Variants in RTL4 observed in about 807,000 individuals in gnomAD.
RTL4 encodes the protein retrotransposon Gag-like protein 4.
Under a neutral mutation model 5.3 loss-of-function variants are expected in RTL4, and 4 were observed. The observed-to-expected ratio is 0.75, with a 90% CI of 0.37 to 1.72. The LOEUF (loss-of-function observed/expected upper bound fraction) is 1.72, where lower values mean the gene tolerates loss of function less well. RTL4 is among the 40% of genes most tolerant of loss of function. The pLI is 0.04. For synonymous variants in RTL4, 98 were observed against 87.3 expected, an observed-to-expected ratio of 1.12 and a Z score of -0.68; for missense variants, 260 against 227.1, an observed-to-expected ratio of 1.14 and a Z score of -0.93.
the RTL4 span, among the ~76,000 whole-genome samples, chrX:112,236,851 G>A: frequency 2.7e-5 from 3 of 111,288 alleles, no homozygotes; most frequent in African/African-American, 9.8e-5. Flanking sequence ...ATTAAGTTAA[G>A]CATTTTGAGA....
the RTL4 span, among the ~76,000 whole-genome samples, chrX:112,392,707 C>T: frequency 1.8e-5 from 2 of 111,997 alleles, no homozygotes; most frequent in Admixed American, 1.9e-4. Context: ...TGGCTCACCC[C>T]TCCCATCTCA....
At chrX:112,162,639 A>T in the RTL4 span, among the ~76,000 whole-genome samples, 2 of 112,157 alleles carry the variant, frequency 1.8e-5, no homozygotes, top group Non-Finnish European at 3.8e-5. Context: ...GACTAAGGGC[A>T]AAATGTGATT....
the RTL4 span, among the ~76,000 whole-genome samples, chrX:112,172,492 A>G: frequency 8.9e-6 from 1 of 111,900 alleles, no homozygotes; most frequent in African/African-American, 3.2e-5. Context: ...TATTAAAGTC[A>G]AGAAACAACA....
the RTL4 span, among the ~76,000 whole-genome samples, chrX:112,258,936 G>A: frequency 7.2e-5 from 8 of 110,884 alleles, no homozygotes; most frequent in African/African-American, 2.6e-4. Context: ...TTGTTTCCTG[G>A]CACATTTTAA....
the RTL4 span, among the ~76,000 whole-genome samples, chrX:112,416,534 C>T: frequency 1.2e-4 from 14 of 112,206 alleles, no homozygotes; most frequent in African/African-American, 4.5e-4. Flanking sequence ...TAGTGCAAGA[C>T]TAATGTTTTT....
the RTL4 span, among the ~76,000 whole-genome samples, chrX:112,275,779 A>G: frequency 9.0e-6 from 1 of 111,122 alleles, no homozygotes; most frequent in Non-Finnish European, 1.9e-5. Context: ...ATAAAAAAAA[A>G]TGAAGATTAG....
chrX:112,363,582 G>T, the RTL4 span, among the ~76,000 whole-genome samples: 3 of 110,733 alleles, frequency 2.7e-5, no homozygotes, highest in African/African-American at 9.8e-5. Context: ...GTAACCATTT[G>T]GAAAATATAA....
chrX:112,094,989 T>A, the RTL4 span, among the ~76,000 whole-genome samples: 1 of 111,327 alleles, frequency 9.0e-6, no homozygotes, highest in Non-Finnish European at 1.9e-5. Context: ...TGGGTTTTCT[T>A]GTTTTTAAGA....
chrX:112,366,412 C>T, the RTL4 span, among the ~76,000 whole-genome samples: 1 of 111,404 alleles, frequency 9.0e-6, no homozygotes, highest in East Asian at 2.9e-4. Flanking sequence ...CAGGTGGTTC[C>T]TCACAAGCTC....
chrX:112,200,431 T>G, the RTL4 span, among the ~76,000 whole-genome samples: 12 of 112,328 alleles, frequency 1.1e-4, no homozygotes, highest in African/African-American at 3.9e-4. Flanking sequence ...AGGCTAGAAC[T>G]GTGTCTGTCA....
the RTL4 span, among the ~76,000 whole-genome samples, chrX:112,222,509 C>G: frequency 9.0e-6 from 1 of 110,523 alleles, no homozygotes. Flanking sequence ...AGGAGGATCT[C>G]TTGAGCACAG....
chrX:112,456,637 C>T (rs915647303), exon 1 of RTL4: 1 of 255,973 alleles, frequency 3.9e-6, no homozygotes, highest in African/African-American at 2.8e-5. Flanking sequence ...TGAAGACTGA[C>T]AGCCAGACCC....
the RTL4 span, among the ~76,000 whole-genome samples, chrX:112,331,258 A>T: frequency 9.3e-6 from 1 of 107,703 alleles, no homozygotes; most frequent in Non-Finnish European, 1.9e-5. Context: ...AACCTACTCA[A>T]CTGACAAAGG....
chrX:112,333,714 T>C, the RTL4 span, among the ~76,000 whole-genome samples: 16 of 111,629 alleles, frequency 1.4e-4, no homozygotes, highest in African/African-American at 4.6e-4. Context: ...ATGAAATGTT[T>C]CTATACAAGC....
At chrX:112,388,449 T>A in the RTL4 span, among the ~76,000 whole-genome samples, 1 of 112,288 alleles carries the variant, frequency 8.9e-6, no homozygotes, top group East Asian at 2.8e-4. Flanking sequence ...CAATTCTACG[T>A]TGAATTGGAG....
At chrX:112,110,725 G>T in the RTL4 span, among the ~76,000 whole-genome samples, 1 of 112,029 alleles carries the variant, frequency 8.9e-6, no homozygotes, top group Non-Finnish European at 1.9e-5. Flanking sequence ...AGTGCTAACA[G>T]CTCTCACGTT....
chrX:112,216,991 A>G, the RTL4 span, among the ~76,000 whole-genome samples: 4 of 112,430 alleles, frequency 3.6e-5, no homozygotes, highest in Non-Finnish European at 7.5e-5. Context: ...CATCCAGAAC[A>G]TTATCAGCCC....
chrX:112,299,120 C>G, the RTL4 span, among the ~76,000 whole-genome samples: 1 of 111,751 alleles, frequency 8.9e-6, no homozygotes, highest in African/African-American at 3.3e-5. Context: ...TTCAATGATG[C>G]TTTCCAACTG....
the RTL4 span, among the ~76,000 whole-genome samples, chrX:112,432,080 A>C: frequency 1.9e-5 from 2 of 105,921 alleles, no homozygotes; most frequent in South Asian, 4.4e-4. Context: ...TTATGGCTGC[A>C]TAGTATTCCA....
Sources: allele counts gnomAD v4.1 joint callset (sites outside exome capture counted in the v4.1 genomes callset), GRCh38; gene constraint gnomAD v4.1.1; transcripts MANE v1.5; gene names NCBI Gene and HGNC (gene_info 2026-07-23, HGNC 2026-07-21).